Variants in NEB observed in about 807,000 individuals in gnomAD.
NEB encodes nemaline myopathy type 2.
Under a neutral mutation model 952.2 loss-of-function variants are expected in NEB, and 512 were observed. That is an observed-to-expected ratio of 0.54 (90% CI 0.50 to 0.58). The LOEUF is 0.58. NEB is among the 20% of genes least tolerant of loss of function. NEB has a pLI of 0.00. For synonymous variants in NEB, 2,900 were observed against 3,149.8 expected (o/e 0.92, Z 2.66); for missense variants, 8,428 against 9,231.1 (o/e 0.91, Z 3.56).
intron 64 of NEB, 59 bp downstream of exon 64, chr2:151,636,168 G>A: frequency 7.2e-7 from 1 of 1,386,176 alleles, no homozygotes; most frequent in East Asian, 2.3e-5. Flanking sequence ...CTAAGATTTA[G>A]TTCAGTGAAA....
intron 63 of NEB, among the ~76,000 whole-genome samples, chr2:151,636,687 A>C (rs2154091963): frequency 6.6e-6 from 1 of 152,324 alleles, no homozygotes; most frequent in South Asian, 2.1e-4. Flanking sequence ...AGACTGAGGC[A>C]GGAGAATTAC....
At chr2:151,560,397 C>T (rs1418158504) in intron 124 of NEB, among the ~76,000 whole-genome samples, 195 bp downstream of exon 124, 4 of 152,160 alleles carry the variant, frequency 2.6e-5, no homozygotes, top group Non-Finnish European at 5.9e-5. Context: ...TGATTCTCTC[C>T]AGGCAGCAGA....
chr2:151,519,809 A>T (rs777413022), intron 153 of NEB, 41 bp from the exon 154 acceptor site: 1 of 1,353,434 alleles, frequency 7.4e-7, no homozygotes, highest in South Asian at 1.2e-5. Flanking sequence ...CCTGGACATC[A>T]ATCAATTTGG....
chr2:151,508,189 G>A (rs996849700), intron 161 of NEB, 80 bp from the exon 162 acceptor site: 1 of 871,040 alleles, frequency 1.1e-6, no homozygotes, highest in Non-Finnish European at 1.8e-6. Flanking sequence ...GGCTATTTTA[G>A]CCCTTCCAGG....
intron 71 of NEB, among the ~76,000 whole-genome samples, chr2:151,622,471 AAACT>A (rs1463497465): frequency 6.6e-6 from 1 of 152,224 alleles, no homozygotes; most frequent in African/African-American, 2.4e-5. Context: ...GCAAAACTTC[AAACT>A]TACAGAAAAG....
At chr2:151,491,449 AATG>A (rs1457027885) in intron 179 of NEB, 26 of 365,358 alleles carry the variant, frequency 7.1e-5, no homozygotes, top group African/African-American at 4.7e-4. Flanking sequence ...AAAAATTAGA[AATG>A]ATAATAATGG....
chr2:151,531,147 G>T lies in NEB; in HGVS notation c.21523-46C>A, dbSNP rs1191935574. 4.9e-6 allele frequency: 6 copies of T among 1,231,626 alleles called. No individual in the cohort carries two copies. The Admixed American group carries it at 7.7e-5, about 16-fold the overall frequency. 76.3% of individuals were successfully genotyped at this position (1,231,626 alleles called of 1,614,324 possible). The stretch of plus-strand genomic sequence containing the variant: ...AAGACATCATGTCATGCTTCTCAAT[G>T]TATAATATCAAAATATAAATGCAAA... On this transcript the variant is annotated intron_variant, in intron 144 of 181. Coordinates refer to ENST00000397345, the MANE Select transcript of NEB (RefSeq NM_001164508.2).
intron 32 of NEB, 60 bp downstream of exon 32, chr2:151,679,661 A>AGGCCCC: frequency 2.0e-6 from 1 of 492,386 alleles, no homozygotes; most frequent in Non-Finnish European, 4.1e-6. Context: ...TCATCGTCAG[A>AGGCCCC]CCCCAAGCCC....
rs182748664 is a variant in NEB at position 151,680,164 on chromosome 2, C to A, written c.3043-142G>T. On this transcript the variant is annotated intron_variant, in intron 30 of 181. Transcript: ENST00000397345. ...CTTTGTGCATTTGCATATTCATGTG[C>A]AAATATCTGTAGGCATTCAAGGTCA... 19 of 674,128 alleles carry A rather than the reference C, an allele frequency of 2.8e-5. No individual in the cohort carries two copies. In the East Asian group the frequency reaches 4.9e-4, roughly 17 times the overall value. The allele number at this position is 674,128 out of a possible 1,614,324, so 41.8% of individuals were successfully genotyped here.
intron 153 of NEB, among the ~76,000 whole-genome samples, chr2:151,523,951 G>T (rs1008333181): frequency 6.6e-6 from 1 of 152,156 alleles, no homozygotes; most frequent in African/African-American, 2.4e-5. Flanking sequence ...TGCTCTTCAT[G>T]TTAAATCTAT....
At chr2:151,525,561 C>T (rs552465899) in intron 150 of NEB, among the ~76,000 whole-genome samples, 1 of 152,128 alleles carries the variant, frequency 6.6e-6, no homozygotes, top group Non-Finnish European at 1.5e-5. Flanking sequence ...TCATATAATA[C>T]CAAGGTTACT....
At chr2:151,667,973 G>T in intron 39 of NEB, 62 bp from the exon 40 acceptor site, 3 of 1,304,936 alleles carry the variant, frequency 2.3e-6, no homozygotes, top group Non-Finnish European at 3.3e-6. Flanking sequence ...GAAACAGAAT[G>T]CCAAAATGTT....
In NEB at chr2:151,621,003, T is replaced by C; in HGVS notation, c.10476A>G (p.Glu3492=). 1.2e-6 allele frequency: 2 copies of C among 1,611,218 alleles called. No homozygotes were observed. The highest frequency in any genetic ancestry group is 8.5e-7 in the Non-Finnish European group (1 of 1,178,622). The change falls in exon 72 of 182, where the codon GAA becomes GAG. Residue 3492 remains glutamate, a synonymous_variant. Coordinates refer to ENST00000397345, the MANE Select transcript of NEB (RefSeq NM_001164508.2). ...YSESLYRQAM[E]EAKKEGYDLR... ...AGTCATAGCCTTCTTTCTTGGCTTC[T>C]TCCATGGCCTGACGATAGAGGCTCT...
At chr2:151,501,872 A>G (rs761649764) in intron 167 of NEB, among the ~76,000 whole-genome samples, 11 of 152,212 alleles carry the variant, frequency 7.2e-5, no homozygotes, top group Non-Finnish European at 1.5e-4. Context: ...GAACAAAATA[A>G]AGAATAAATG....
At chr2:151,553,357 G>A in intron 127 of NEB, 41 bp downstream of exon 127, 2 of 1,454,208 alleles carry the variant, frequency 1.4e-6, no homozygotes, top group African/African-American at 2.8e-5. Flanking sequence ...AGACTATGGA[G>A]AAATGGAAAT....
rs1474906806 is a variant in NEB, at chr2:151,650,784, T to C, written c.7017A>G (p.Lys2339=). ...TCTTGTATTCTCTTTCACTCTGCAT[T>C]TTGGCTACATTCATGGACAACACAA... ...PKLVLSMNVA[K]MQSEREYKKD... Residue 2339 remains lysine, a synonymous_variant, in exon 53 of 182, where the codon AAA becomes AAG. Transcript: ENST00000397345. 1 of 1,613,850 alleles carries C rather than the reference T, an allele frequency of 6.2e-7. No homozygotes were observed. Among genetic ancestry groups the C allele is most frequent in the East Asian group, 2.2e-5 (1 of 44,892 alleles).
intron 26 of NEB, 26 bp from the exon 27 acceptor site, chr2:151,687,558 T>A (rs776699472): frequency 2.5e-6 from 4 of 1,612,712 alleles, no homozygotes; most frequent in Middle Eastern, 3.3e-4. Flanking sequence ...ACATGCCAGA[T>A]CCCACTCACC....
Position 151,545,045 on chromosome 2 carries a change from C to G in NEB, c.20577+843G>C, listed in dbSNP as rs117457833. ...AACATGGGGTCCAATCATCAAGGAA[C>G]CAACACTCTAGGTGAGAGAATCAGA... On this transcript the variant is annotated intron_variant, in intron 135 of 181. Transcript: ENST00000397345. 1.4e-3 allele frequency among the ~76,000 whole-genome samples: 218 copies of G among 152,316 alleles called. 2 individuals are homozygous for G. In the East Asian group the frequency reaches 0.037, roughly 26 times the overall value.
At chr2:151,615,317 T>G (rs1222400530) in intron 76 of NEB, among the ~76,000 whole-genome samples, 4 of 152,246 alleles carry the variant, frequency 2.6e-5, no homozygotes, top group Non-Finnish European at 5.9e-5. Flanking sequence ...GTCTAAGGCA[T>G]GAGGCCCTTC....
Sources: gnomAD v4.1 joint callset for allele counts (sites outside exome capture counted in the v4.1 genomes callset) on GRCh38, gnomAD v4.1.1 for gene constraint, MANE v1.5 for transcripts, NCBI Gene and HGNC (gene_info 2026-07-23, HGNC 2026-07-21) for gene names.